VEPH1: variants seen among roughly 807,000 people sequenced by gnomAD.
VEPH1 encodes ventricular zone-expressed PH domain-containing protein homolog 1.
VEPH1 carries 80 observed loss-of-function variants against 85.2 expected under a neutral mutation model. The ratio of observed to expected loss-of-function variants is 0.94; its 90% CI spans 0.78 to 1.13. The LOEUF is 1.13. Among genes scored for constraint, VEPH1 ranks in the 50% most tolerant of loss-of-function variants. The pLI, the probability that VEPH1 is intolerant of heterozygous loss-of-function variation, is 0.00. For synonymous variants in VEPH1, 297 were observed against 348.0 expected, an observed-to-expected ratio of 0.85 and a Z score of 1.63; for missense variants, 955 against 980.5, an observed-to-expected ratio of 0.97 and a Z score of 0.35.
At position 157,260,745 on chromosome 3, in the gene VEPH1, G is replaced by A. The variant is rs1712769543; in HGVS notation, c.*389C>T. On this transcript the variant is annotated 3_prime_UTR_variant, in exon 14 of 14. Coordinates refer to ENST00000362010, the MANE Select transcript of VEPH1 (RefSeq NM_001167912.2). ...CTTTGACAGACTGTGATTTTCATCA[G>A]AAGTGCTAATCTTTCCTCAGGATGG... The A allele has an allele frequency of 1.3e-5, 2 of 159,476 alleles. 1 individual carries two copies. Among genetic ancestry groups the A allele is most frequent in the South Asian group, 3.8e-4 (2 of 5,316 alleles). The allele number at this position is 159,476 out of a possible 1,614,324, so 9.9% of individuals were successfully genotyped here.
chr3:157,411,149 A>G (rs1731501168), intron 6 of VEPH1, among the ~76,000 whole-genome samples: 1 of 152,180 alleles, frequency 6.6e-6, no homozygotes, highest in Non-Finnish European at 1.5e-5. Flanking sequence ...TTGGACCATG[A>G]GACAGAAGCT....
At chr3:157,263,967 G>A (rs1246851601) in intron 13 of VEPH1, among the ~76,000 whole-genome samples, 1 of 152,164 alleles carries the variant, frequency 6.6e-6, no homozygotes, top group Non-Finnish European at 1.5e-5. Context: ...CTGGGCTAAT[G>A]GGTACCCAGA....
At chr3:157,474,214 T>A (rs1311856952) in intron 2 of VEPH1, among the ~76,000 whole-genome samples, 2 of 152,166 alleles carry the variant, frequency 1.3e-5, no homozygotes, top group East Asian at 3.8e-4. Flanking sequence ...TCTATCTGCT[T>A]TTACTGGTAT....
At chr3:157,486,267 G>A (rs1738633797) in intron 2 of VEPH1, among the ~76,000 whole-genome samples, 1 of 152,062 alleles carries the variant, frequency 6.6e-6, no homozygotes, top group Admixed American at 6.6e-5. Context: ...AGAGACCGAG[G>A]CGGGTGGATC....
intron 2 of VEPH1, among the ~76,000 whole-genome samples, chr3:157,492,917 G>T (rs1364508877): frequency 6.6e-6 from 1 of 152,106 alleles, no homozygotes; most frequent in Non-Finnish European, 1.5e-5. Flanking sequence ...GATAGAGAGG[G>T]AGGAAGTAAA....
In VEPH1 at chr3:157,266,440, A is replaced by T. The variant is rs535598532; in HGVS notation, c.2129-778T>A. Among the ~76,000 whole-genome samples, 7 of 152,216 alleles carry T rather than the reference A, an allele frequency of 4.6e-5. No individual in the cohort carries two copies. The South Asian group carries it at 1.2e-3, about 27-fold the overall frequency. ...GCTTTCCCCCATATGTTCTCATGGC[A>T]CATGGCATGTTTCTTATATATCAGG... On this transcript the variant is annotated intron_variant, in intron 12 of 13. Coordinates refer to ENST00000362010, the MANE Select transcript of VEPH1 (RefSeq NM_001167912.2).
intron 3 of VEPH1, among the ~76,000 whole-genome samples, chr3:157,463,426 T>G (rs2109391174): frequency 6.6e-6 from 1 of 152,348 alleles, no homozygotes; most frequent in African/African-American, 2.4e-5. Flanking sequence ...CCTAGAGTTC[T>G]TAACATCACG....
In VEPH1 at chr3:157,265,656, T is replaced by C; in HGVS notation, c.2135A>G (p.Asn712Ser). Residue 712 changes from asparagine to serine, a missense_variant, in exon 13 of 14, where the codon AAT becomes AGT. Coordinates refer to ENST00000362010, the MANE Select transcript of VEPH1 (RefSeq NM_001167912.2). ...CNNPEKATVV[N>S]QDGQPLIEGK... ...TTCTATGAGAGGCTGGCCATCTTGA[T>C]TTACAACTGTTGAAGGTAGCAGAAT... 6.2e-7 allele frequency: 1 copy of C among 1,612,930 alleles called. No individual in the cohort carries two copies. The highest frequency in any genetic ancestry group is 8.5e-7 in the Non-Finnish European group (1 of 1,179,492).
chr3:157,412,424 G>T (rs1443534157), intron 6 of VEPH1, among the ~76,000 whole-genome samples: 2 of 152,100 alleles, frequency 1.3e-5, no homozygotes, highest in Non-Finnish European at 2.9e-5. Flanking sequence ...GTGACAAAAA[G>T]AATTACCATT....
chr3:157,443,126 C>A, intron 4 of VEPH1: 2 of 911,626 alleles, frequency 2.2e-6, no homozygotes, highest in Non-Finnish European at 3.2e-6. Flanking sequence ...TTGTACTGGC[C>A]AAATACTGAA....
chr3:157,313,005 C>T (rs201901518), intron 11 of VEPH1, among the ~76,000 whole-genome samples: 1 of 147,678 alleles, frequency 6.8e-6, no homozygotes, highest in Non-Finnish European at 1.5e-5. Flanking sequence ...CCCGGGTTCA[C>T]GCCATTCTCC....
At chr3:157,376,500 C>T (rs1577491855) in intron 7 of VEPH1, among the ~76,000 whole-genome samples, 2 of 152,314 alleles carry the variant, frequency 1.3e-5, no homozygotes, top group South Asian at 2.1e-4. Context: ...GACACCTTCT[C>T]CTTTGCAATG....
intron 3 of VEPH1, among the ~76,000 whole-genome samples, chr3:157,465,621 T>C (rs1577722209): frequency 1.3e-5 from 2 of 152,036 alleles, no homozygotes; most frequent in Non-Finnish European, 2.9e-5. Context: ...TCTCTAAGAG[T>C]TGTGAAGGAA....
intron 2 of VEPH1, among the ~76,000 whole-genome samples, chr3:157,480,230 C>T (rs1329158748): frequency 1.3e-5 from 2 of 151,906 alleles, no homozygotes; most frequent in Admixed American, 6.6e-5. Flanking sequence ...AGGTCTGTTG[C>T]CAATGAATTC....
chr3:157,487,644 A>G (rs1738775357), intron 2 of VEPH1, among the ~76,000 whole-genome samples: 1 of 152,184 alleles, frequency 6.6e-6, no homozygotes, highest in East Asian at 1.9e-4. Context: ...CCAATCTCAT[A>G]TATAAGCATA....
chr3:157,374,731 C>T (rs989849927), intron 7 of VEPH1, among the ~76,000 whole-genome samples: 21 of 152,058 alleles, frequency 1.4e-4, no homozygotes, highest in African/African-American at 5.1e-4. Flanking sequence ...AGAAGTAGTA[C>T]CAAACTGGAG....
intron 11 of VEPH1, among the ~76,000 whole-genome samples, chr3:157,293,821 C>A (rs546074292): frequency 1.3e-5 from 2 of 152,146 alleles, no homozygotes; most frequent in Non-Finnish European, 2.9e-5. Flanking sequence ...AATACAATTT[C>A]TTTGAAACTT....
At chr3:157,365,658 A>C (rs1726595670) in intron 7 of VEPH1, among the ~76,000 whole-genome samples, 1 of 152,106 alleles carries the variant, frequency 6.6e-6, no homozygotes, top group Admixed American at 6.6e-5. Context: ...TCAATAATTC[A>C]CTGGAATGAC....
chr3:157,313,544 T>C (rs926452306), intron 11 of VEPH1, 77 bp downstream of exon 11: 31 of 1,495,530 alleles, frequency 2.1e-5, no homozygotes, highest in Non-Finnish European at 2.6e-5. Context: ...GAAATTTAAT[T>C]GCTAAAAAAA....
Sources: allele counts gnomAD v4.1 joint callset (sites outside exome capture counted in the v4.1 genomes callset), GRCh38; gene constraint gnomAD v4.1.1; transcripts MANE v1.5; gene names NCBI Gene and HGNC (gene_info 2026-07-23, HGNC 2026-07-21).